Variants in PLPPR4 observed in about 807,000 individuals in gnomAD.
The protein encoded by PLPPR4 is phospholipid phosphatase related 4.
A neutral mutation model predicts 56.6 loss-of-function variants in PLPPR4; 24 were observed. The ratio of observed to expected loss-of-function variants is 0.42; its 90% confidence interval spans 0.31 to 0.60. The LOEUF (loss-of-function observed/expected upper bound fraction) is 0.60. PLPPR4 is among the 20% of genes least tolerant of loss of function. The pLI is 0.13. For missense variants in PLPPR4, 654 were observed against 885.8 expected, an observed-to-expected ratio of 0.74 and a Z score of 3.32; for synonymous variants, 326 against 328.1, an observed-to-expected ratio of 0.99 and a Z score of 0.07.
At chr1:99,265,144 GC>G (rs36036890) in intron 1 of PLPPR4, among the ~76,000 whole-genome samples, 47,890 of 140,028 alleles carry the variant, frequency 0.34, 8,328 homozygotes, top group East Asian at 0.39. Flanking sequence ...TATTGCTCCT[GC>G]CCCCCCCCCC....
intron 2 of PLPPR4, among the ~76,000 whole-genome samples, chr1:99,288,659 TACAC>T (rs145761513): frequency 0.036 from 5,410 of 152,180 alleles, 124 homozygotes; most frequent in Non-Finnish European, 0.053. Context: ...CATGCACACA[TACAC>T]ATACATACAG....
intron 1 of PLPPR4, among the ~76,000 whole-genome samples, chr1:99,280,481 C>T (rs992235609): frequency 2.6e-5 from 4 of 152,114 alleles, no homozygotes; most frequent in African/African-American, 9.7e-5. Flanking sequence ...ATTCAGTGAA[C>T]ATTTATTGGA....
At chr1:99,286,572 T>C (rs1263574743) in intron 1 of PLPPR4, among the ~76,000 whole-genome samples, 1 of 152,026 alleles carries the variant, frequency 6.6e-6, no homozygotes, top group Non-Finnish European at 1.5e-5. Context: ...GAAGGATGGA[T>C]CAAGATCTAC....
At chr1:99,298,918 A>G (rs914955724) in intron 3 of PLPPR4, 117 bp from the exon 4 acceptor site, 1 of 796,380 alleles carries the variant, frequency 1.3e-6, no homozygotes. Context: ...CTTGAAATCA[A>G]CTTAGAGAAA....
intron 6 of PLPPR4, 76 bp from the exon 7 acceptor site, chr1:99,305,609 T>A: frequency 7.0e-7 from 1 of 1,436,584 alleles, no homozygotes; most frequent in South Asian, 1.3e-5. Context: ...ATGTATGTAC[T>A]TCAGTGGGTA....
Position 99,305,912 on chromosome 1 carries a change from C to T in PLPPR4, c.1050C>T (p.Ile350=). The part of the protein sequence containing the change: ...NLKRANADVE[I]ITPRSPMGKE... Reference sequence around the variant, plus strand: ...AAAGAGCAAATGCTGATGTGGAAATCATTACTCCACGGAGCCCCATGGGGA... The same window carrying T: ...AAAGAGCAAATGCTGATGTGGAAATTATTACTCCACGGAGCCCCATGGGGA... Residue 350 remains isoleucine, a synonymous_variant, in exon 7 of 7, where the codon ATC becomes ATT. Coordinates refer to ENST00000370185, the MANE Select transcript of PLPPR4 (RefSeq NM_014839.5). 6.2e-7 allele frequency: 1 copy of T among 1,614,094 alleles called. No individual in the cohort carries two copies.
At chr1:99,265,823 G>A (rs1368344692) in intron 1 of PLPPR4, among the ~76,000 whole-genome samples, 1 of 152,148 alleles carries the variant, frequency 6.6e-6, no homozygotes, top group Admixed American at 6.5e-5. Context: ...GACATTGTCG[G>A]ACTGTTCTTA....
Position 99,306,395 on chromosome 1 carries a change from A to G in PLPPR4, c.1533A>G (p.Lys511=). The G allele has an allele frequency of 6.2e-7, 1 of 1,614,200 alleles. No homozygotes were observed. The highest frequency in any genetic ancestry group is 8.5e-7 in the Non-Finnish European group (1 of 1,180,028). ...KSSSARAKWL[K]AAEKTVACNR... ...GCTCTGCTCGGGCCAAGTGGTTAAA[A>G]GCTGCTGAAAAGACTGTGGCCTGTA... The change falls in exon 7 of 7, where the codon AAA becomes AAG. Residue 511 remains lysine, a synonymous_variant. Coordinates refer to ENST00000370185, the MANE Select transcript of PLPPR4 (RefSeq NM_014839.5). This position sits in a 1 kb window ranked among gnomAD's most constrained non-coding sequence, Gnocchi z 4.0.
At position 99,307,568 on chromosome 1, in the gene PLPPR4, G is replaced by A. The variant is rs1157889855; in HGVS notation, c.*558G>A. The A allele has an allele frequency of 1.3e-5, 2 of 152,606 alleles. No homozygotes were observed. Among genetic ancestry groups the A allele is most frequent in the Non-Finnish European group, 2.9e-5 (2 of 68,328 alleles). 9.5% of individuals were successfully genotyped at this position (152,606 alleles called of 1,614,324 possible). On this transcript the variant is annotated 3_prime_UTR_variant, in exon 7 of 7. Transcript: ENST00000370185. ...TAAAGAAATGCTACTTTATTAAGAA[G>A]ATGCTGGCTGCTTTGTGTTAGAATA...
intron 1 of PLPPR4, among the ~76,000 whole-genome samples, chr1:99,266,588 T>C (rs1276403540): frequency 1.3e-5 from 2 of 152,234 alleles, no homozygotes; most frequent in East Asian, 3.8e-4. Context: ...ATTCATTACT[T>C]TTACTTTGGC....
At chr1:99,292,598 T>C (rs1165577888) in intron 2 of PLPPR4, among the ~76,000 whole-genome samples, 1 of 152,190 alleles carries the variant, frequency 6.6e-6, no homozygotes, top group East Asian at 1.9e-4. Flanking sequence ...TCAGGATCCC[T>C]GATTTCCCTA....
intron 3 of PLPPR4, among the ~76,000 whole-genome samples, chr1:99,298,440 G>A (rs1011795969): frequency 1.3e-5 from 2 of 152,134 alleles, no homozygotes; most frequent in Non-Finnish European, 2.9e-5. Flanking sequence ...ACCAAGATAT[G>A]TAAGAACATC....
intron 6 of PLPPR4, 54 bp downstream of exon 6, chr1:99,301,951 T>C: frequency 6.0e-6 from 8 of 1,340,028 alleles, no homozygotes; most frequent in Non-Finnish European, 7.2e-6. Flanking sequence ...AAAACATGCA[T>C]AGAATATTTT....
intron 1 of PLPPR4, among the ~76,000 whole-genome samples, chr1:99,280,969 G>A (rs1659308896): frequency 6.6e-6 from 1 of 152,152 alleles, no homozygotes; most frequent in Non-Finnish European, 1.5e-5. Flanking sequence ...TGCATGATGA[G>A]GTGTGAATTC....
intron 1 of PLPPR4, among the ~76,000 whole-genome samples, chr1:99,287,505 C>T (rs957630254): frequency 2.0e-5 from 3 of 152,138 alleles, no homozygotes; most frequent in Non-Finnish European, 4.4e-5. Flanking sequence ...TACATTCCCA[C>T]CAACAGTGTA....
intron 2 of PLPPR4, among the ~76,000 whole-genome samples, chr1:99,290,808 A>C (rs543304046): frequency 5.8e-4 from 89 of 152,298 alleles, no homozygotes; most frequent in Non-Finnish European, 9.7e-4. Context: ...TGAATTAAAG[A>C]CTTACATGTA....
intron 2 of PLPPR4, among the ~76,000 whole-genome samples, chr1:99,290,006 T>A (rs1659574401): frequency 6.6e-6 from 1 of 152,074 alleles, no homozygotes; most frequent in South Asian, 2.1e-4. Flanking sequence ...TATTGCTGAC[T>A]AGTCACCAGA....
At chr1:99,305,238 T>C (rs567783839) in intron 6 of PLPPR4, among the ~76,000 whole-genome samples, 33 of 152,318 alleles carry the variant, frequency 2.2e-4, no homozygotes, top group African/African-American at 7.0e-4. Context: ...TGATATATTG[T>C]TCTATATTTT....
rs115805656 is a variant in PLPPR4 at position 99,267,614 on chromosome 1, A to G, written c.78+2943A>G. Among the ~76,000 whole-genome samples the G allele has an allele frequency of 4.9e-3, 748 of 152,318 alleles. 5 individuals are homozygous for G. The highest frequency in any genetic ancestry group is 0.017 in the African/African-American group (722 of 41,566). On this transcript the variant is annotated intron_variant, in intron 1 of 6. Transcript: ENST00000370185. ...GACTGAGATATGGTAGGCAATCAAG[A>G]TATGTTAGTTCCTTTCCTTTCTTAT...
Sources: allele counts gnomAD v4.1 joint callset (sites outside exome capture counted in the v4.1 genomes callset), GRCh38; gene constraint gnomAD v4.1.1; non-coding constraint Gnocchi (gnomAD v3.1); transcripts MANE v1.5; gene names NCBI Gene and HGNC (gene_info 2026-07-23, HGNC 2026-07-21).